The following NUP62CL variants were observed in gnomAD, a reference collection of about 807,000 sequenced individuals.
NUP62CL encodes nucleoporin 62 C-terminal like.
A neutral mutation model predicts 15.3 loss-of-function variants in NUP62CL; 13 were observed. The observed-to-expected ratio is 0.85, with a 90% CI of 0.55 to 1.35. The LOEUF is 1.35. Among genes scored for constraint, NUP62CL ranks in the 40% most tolerant of loss-of-function variants. NUP62CL has a pLI of 0.00. For synonymous variants in NUP62CL, 54 were observed against 49.2 expected (o/e 1.10, Z -0.41); for missense variants, 123 against 130.6 (o/e 0.94, Z 0.28).
chrX:107,133,982 C>T (rs1306569530), intron 8 of NUP62CL, among the ~76,000 whole-genome samples: 2 of 112,067 alleles, frequency 1.8e-5, no homozygotes, highest in Admixed American at 9.4e-5. Context: ...TCTGCAAAGT[C>T]TCTTTTGCTA....
Position 107,153,489 on chromosome X carries a change from A to C in NUP62CL, c.360T>G (p.His120Gln), listed in dbSNP as rs765969798. The C allele has an allele frequency of 2.6e-6, 3 of 1,135,648 alleles. No individual in the cohort carries two copies. In the African/African-American group the frequency reaches 5.5e-5, roughly 21 times the overall value. The allele number at this position is 1,135,648 out of a possible 1,213,427, so 93.6% of individuals were successfully genotyped here. A position where few individuals can be genotyped will look rare whatever the true frequency, so the allele number is the denominator to read the frequency against. ...CCAGTTTCACTTTGTTCACTTCTCCATGTAAAATACGAATCTATAAAGAGA... is the reference window on the plus strand; with the variant it reads ...CCAGTTTCACTTTGTTCACTTCTCCCTGTAAAATACGAATCTATAAAGAGA... Reference protein sequence around the residue: ...IENGEMIRILHGEVNKVKLDQ... With the variant: ...IENGEMIRILQGEVNKVKLDQ... Residue 120 changes from histidine to glutamine, a missense_variant, in exon 6 of 9, where the codon CAT (histidine) becomes CAG (glutamine). His to Gln is a conservative substitution (Grantham distance 24, BLOSUM62 0). Transcript: ENST00000372466.
chrX:107,189,860 AG>A (rs1927171024), intron 2 of NUP62CL, among the ~76,000 whole-genome samples: 2 of 88,786 alleles, frequency 2.3e-5, no homozygotes, highest in African/African-American at 8.7e-5. Flanking sequence ...GAAGGAAGGA[AG>A]GAAGGAAAAA....
At chrX:107,156,837 G>C (rs747327786) in intron 4 of NUP62CL, among the ~76,000 whole-genome samples, 1 of 104,940 alleles carries the variant, frequency 9.5e-6, no homozygotes, top group Non-Finnish European at 1.9e-5. Context: ...TCTGAGCTAC[G>C]GGAGGACATT....
At chrX:107,192,186 T>G (rs151100624) in intron 2 of NUP62CL, among the ~76,000 whole-genome samples, 3,385 of 111,753 alleles carry the variant, frequency 0.03, 59 homozygotes, top group Non-Finnish European at 0.046. Flanking sequence ...TAGAAAAAGA[T>G]CTCTCTAAAG....
At chrX:107,176,052 T>C (rs1926774684) in intron 2 of NUP62CL, among the ~76,000 whole-genome samples, 1 of 111,685 alleles carries the variant, frequency 9.0e-6, no homozygotes, top group Admixed American at 9.5e-5. Flanking sequence ...CTACTGCTAC[T>C]GCTCAGTACC....
At chrX:107,189,918 A>AAAGAAAGAAAGC (rs1569365686) in intron 2 of NUP62CL, among the ~76,000 whole-genome samples, 1 of 106,584 alleles carries the variant, frequency 9.4e-6, no homozygotes, top group African/African-American at 3.5e-5. Context: ...AGAAAGAAAG[A>AAAGAAAGAAAGC]AAGAAAGAAA....
chrX:107,175,814 CCAGCATTTCTTATCA>C (rs1056767631), intron 2 of NUP62CL, among the ~76,000 whole-genome samples: 1 of 111,161 alleles, frequency 9.0e-6, no homozygotes, highest in African/African-American at 3.3e-5. Flanking sequence ...GGAAAGGTAG[CCAGCATTTCTTATCA>C]CTTCCAACAC....
At position 107,153,297 on chromosome X, in the gene NUP62CL, T is replaced by C; in HGVS notation, c.405A>G (p.Gln135=). ...KVKLDQKRLE[Q]ELDFILSQQQ... ...GCTGTGACAGGATAAAATCCAATTC[T>C]TGTTCCAATCTGAATAAAATAAGTT... Residue 135 remains glutamine, a synonymous_variant, in exon 7 of 9, where the codon CAA becomes CAG. Coordinates refer to ENST00000372466, the MANE Select transcript of NUP62CL (RefSeq NM_017681.3). 8.3e-7 allele frequency: 1 copy of C among 1,207,179 alleles called. No individual in the cohort carries two copies. Among genetic ancestry groups the C allele is most frequent in the Non-Finnish European group, 1.1e-6 (1 of 892,956 alleles).
At chrX:107,125,387 G>T (rs1022654421) in intron 8 of NUP62CL, among the ~76,000 whole-genome samples, 4 of 110,929 alleles carry the variant, frequency 3.6e-5, no homozygotes, top group South Asian at 3.9e-4. Context: ...GTTATATTTG[G>T]TTTTTTACTG....
In NUP62CL at chrX:107,132,630, G is replaced by A. The variant is rs771876046; in HGVS notation, c.*43-8298C>T. On this transcript the variant is annotated intron_variant, in intron 8 of 8. Coordinates refer to ENST00000372466, the MANE Select transcript of NUP62CL (RefSeq NM_017681.3). ...TTTAGAATTAGCTGGACATAGTGTC[G>A]TATGCCTGTGGTACCAGCTACTGGG... Among the ~76,000 whole-genome samples, 4 of 111,455 alleles carry A rather than the reference G, an allele frequency of 3.6e-5. No homozygotes were observed. In the South Asian group the frequency reaches 1.1e-3, roughly 32 times the overall value.
rs977786908 is a variant in NUP62CL at position 107,183,505 on chromosome X, G to C, written c.-47-8312C>G. 2.7e-5 allele frequency among the ~76,000 whole-genome samples: 3 copies of C among 111,375 alleles called. No individual in the cohort carries two copies. The East Asian group carries it at 8.4e-4, about 31-fold the overall frequency. ...ACCTAAGAAGATTCTGAAAGGTAGA[G>C]AGAAGAAGGCAAACTGGCTAGGGAT... On this transcript the variant is annotated intron_variant, in intron 2 of 8. Coordinates refer to ENST00000372466, the MANE Select transcript of NUP62CL (RefSeq NM_017681.3).
At chrX:107,139,541 C>T (rs1925717355) in intron 8 of NUP62CL, among the ~76,000 whole-genome samples, 2 of 112,041 alleles carry the variant, frequency 1.8e-5, no homozygotes, top group Non-Finnish European at 3.8e-5. Flanking sequence ...TCTTTTCCTA[C>T]AACTGCCAGC....
Position 107,147,821 on chromosome X carries a change from T to TA in NUP62CL, c.531-13dup. Reference sequence around the variant, plus strand: ...CAGATCTGGTGGAGCTAAAAATACATATAAGACTTTTAGATTATGATTATT... The same window carrying TA: ...CAGATCTGGTGGAGCTAAAAATACATAATAAGACTTTTAGATTATGATTATT... On this transcript the variant is annotated splice_polypyrimidine_tract_variant and intron_variant, in intron 7 of 8. Transcript: ENST00000372466. 1 of 1,161,275 alleles carries TA rather than the reference T, an allele frequency of 8.6e-7. No homozygotes were observed.
chrX:107,156,731 C>T (rs1243482758), intron 4 of NUP62CL, among the ~76,000 whole-genome samples: 4 of 101,687 alleles, frequency 3.9e-5, no homozygotes, highest in African/African-American at 7.3e-5. Flanking sequence ...GCCTCTCCTC[C>T]TCCAAAGGAA....
chrX:107,161,024 T>C lies in NUP62CL; in HGVS notation c.194+6625A>G, dbSNP rs1233549375. On this transcript the variant is annotated intron_variant, in intron 4 of 8. Coordinates refer to ENST00000372466, the MANE Select transcript of NUP62CL (RefSeq NM_017681.3). Reference sequence around the variant, plus strand: ...GACATTTATGCAGCCAACAGACACATGAAAAAATGCTCATCATCACTGGCC... The same window carrying C: ...GACATTTATGCAGCCAACAGACACACGAAAAAATGCTCATCATCACTGGCC... 1.4e-4 allele frequency among the ~76,000 whole-genome samples: 16 copies of C among 111,636 alleles called. No individual in the cohort carries two copies. The Admixed American group carries it at 1.5e-3, about 11-fold the overall frequency.
rs1463871448 is a variant in NUP62CL at position 107,123,635 on chromosome X, T to C, written c.*740A>G. On this transcript the variant is annotated 3_prime_UTR_variant, in exon 9 of 9. Coordinates refer to ENST00000372466, the MANE Select transcript of NUP62CL (RefSeq NM_017681.3). ...ATATACGGAAATCACCAACTATAAA[T>C]CATATGCTAAAACCAAATAAAATGC... 9.0e-6 allele frequency: 1 copy of C among 110,984 alleles called. No individual in the cohort carries two copies. Among genetic ancestry groups the C allele is most frequent in the Non-Finnish European group, 1.9e-5 (1 of 52,902 alleles). The allele number at this position is 110,984 out of a possible 1,213,427, so 9.1% of individuals were successfully genotyped here.
intron 4 of NUP62CL, among the ~76,000 whole-genome samples, chrX:107,156,122 G>C (rs995667541): frequency 2.7e-5 from 3 of 111,477 alleles, no homozygotes; most frequent in African/African-American, 9.9e-5. Flanking sequence ...CTGGCTCGGA[G>C]GGTCCTACGC....
At chrX:107,125,303 G>A (rs1327410283) in intron 8 of NUP62CL, among the ~76,000 whole-genome samples, 1 of 111,613 alleles carries the variant, frequency 9.0e-6, no homozygotes, top group African/African-American at 3.3e-5. Context: ...CAAAATACGT[G>A]TTAATTGACT....
chrX:107,134,801 C>T (rs1379533389), intron 8 of NUP62CL, among the ~76,000 whole-genome samples: 1 of 111,646 alleles, frequency 9.0e-6, no homozygotes, highest in African/African-American at 3.3e-5. Context: ...AATGACTTAC[C>T]TTGATAAAAA....
Sources: allele counts gnomAD v4.1 joint callset (sites outside exome capture counted in the v4.1 genomes callset), GRCh38; gene constraint gnomAD v4.1.1; transcripts MANE v1.5; gene names NCBI Gene and HGNC (gene_info 2026-07-23, HGNC 2026-07-21).